Variants in ELOVL7 observed in about 807,000 individuals in gnomAD.
The protein encoded by ELOVL7 is very long chain fatty acid elongase 7.
ELOVL7 carries 27 observed loss-of-function variants against 35.7 expected under a neutral mutation model. That is an observed-to-expected ratio of 0.76 (90% CI 0.56 to 1.04). ELOVL7 has a LOEUF of 1.04. Ranked by LOEUF, ELOVL7 falls within the 50% of genes least tolerant of loss-of-function variation. ELOVL7 has a pLI of 0.00. For synonymous variants in ELOVL7, 113 were observed against 114.6 expected, an observed-to-expected ratio of 0.99 and a Z score of 0.09; for missense variants, 327 against 340.8, an observed-to-expected ratio of 0.96 and a Z score of 0.32.
chr5:60,828,733 T>A (rs773762728), intron 1 of ELOVL7, among the ~76,000 whole-genome samples: 1 of 152,330 alleles, frequency 6.6e-6, no homozygotes, highest in South Asian at 2.1e-4. Flanking sequence ...TTAATAGTTA[T>A]CTATAAGCAA....
At chr5:60,840,876 T>C (rs977049964) in intron 1 of ELOVL7, among the ~76,000 whole-genome samples, 2 of 152,170 alleles carry the variant, frequency 1.3e-5, no homozygotes, top group Admixed American at 1.3e-4. Context: ...GTTGCTAATA[T>C]ACTTGTCCAA....
intron 5 of ELOVL7, among the ~76,000 whole-genome samples, 160 bp downstream of exon 5, chr5:60,767,663 A>AT (rs908659780): frequency 1.8e-4 from 28 of 152,194 alleles, no homozygotes; most frequent in South Asian, 8.3e-4. Flanking sequence ...TATACATGTG[A>AT]TTTTTTTTAT....
At chr5:60,758,080 C>T (rs768170092) in intron 7 of ELOVL7, among the ~76,000 whole-genome samples, 8 of 152,142 alleles carry the variant, frequency 5.3e-5, no homozygotes, top group African/African-American at 1.9e-4. Flanking sequence ...AGATACAGAA[C>T]ATTTCCAACA....
At chr5:60,817,741 ACACACAC>A (rs1745609010) in intron 1 of ELOVL7, among the ~76,000 whole-genome samples, 2 of 145,616 alleles carry the variant, frequency 1.4e-5, no homozygotes, top group East Asian at 2.0e-4. Flanking sequence ...ATATATATAC[ACACACAC>A]CATATATATA....
intron 8 of ELOVL7, 142 bp downstream of exon 8, chr5:60,757,367 T>C (rs2112120952): frequency 4.4e-6 from 3 of 686,576 alleles, no homozygotes; most frequent in Non-Finnish European, 6.8e-6. Flanking sequence ...TTAAGAACCA[T>C]GATGGCATAT....
intron 3 of ELOVL7, 38 bp downstream of exon 3, chr5:60,787,296 G>A: frequency 6.6e-7 from 1 of 1,511,172 alleles, no homozygotes; most frequent in Non-Finnish European, 9.1e-7. Context: ...GACATAAAAA[G>A]GAAGGATGAA....
intron 3 of ELOVL7, among the ~76,000 whole-genome samples, chr5:60,782,955 A>G (rs1213472084): frequency 6.6e-6 from 1 of 152,254 alleles, no homozygotes; most frequent in Non-Finnish European, 1.5e-5. Flanking sequence ...CCATAAAAAG[A>G]TAAGTATTTG....
intron 1 of ELOVL7, among the ~76,000 whole-genome samples, chr5:60,814,849 A>G (rs1292052636): frequency 6.6e-6 from 1 of 152,234 alleles, no homozygotes; most frequent in African/African-American, 2.4e-5. Context: ...CACCACACTA[A>G]GCCCTATGCT....
intron 2 of ELOVL7, among the ~76,000 whole-genome samples, chr5:60,795,909 C>T (rs1359919349): frequency 6.6e-6 from 1 of 152,216 alleles, no homozygotes; most frequent in African/African-American, 2.4e-5. Context: ...AGGCCAAGAA[C>T]CCCAGGTCAG....
chr5:60,822,342 G>T (rs192167907), intron 1 of ELOVL7, among the ~76,000 whole-genome samples: 3 of 152,338 alleles, frequency 2.0e-5, no homozygotes, highest in Admixed American at 1.3e-4. Flanking sequence ...TCACCAGAGT[G>T]CTACCCACTG....
chr5:60,755,656 C>CAAAAAAAA (rs1042391610), intron 8 of ELOVL7, among the ~76,000 whole-genome samples: 1 of 144,122 alleles, frequency 6.9e-6, no homozygotes, highest in Non-Finnish European at 1.5e-5. Flanking sequence ...GATTCCATCT[C>CAAAAAAAA]AAAAAAAAAA....
At chr5:60,785,761 G>A in intron 3 of ELOVL7, 1 of 152,158 alleles carries the variant, frequency 6.6e-6, no homozygotes, top group Non-Finnish European at 1.5e-5. Context: ...GTTAAGAAAA[G>A]ATAGGCATAG....
intron 1 of ELOVL7, among the ~76,000 whole-genome samples, chr5:60,811,775 G>A (rs1455886732): frequency 6.6e-6 from 1 of 152,032 alleles, no homozygotes; most frequent in East Asian, 1.9e-4. Flanking sequence ...GTAGCCCCTT[G>A]GCCTTGGACT....
At chr5:60,767,659 T>A (rs1361349546) in intron 5 of ELOVL7, among the ~76,000 whole-genome samples, 164 bp downstream of exon 5, 1 of 152,332 alleles carries the variant, frequency 6.6e-6, no homozygotes, top group East Asian at 1.9e-4. Flanking sequence ...AAATTATACA[T>A]GTGATTTTTT....
chr5:60,805,964 T>C (rs925021663), intron 1 of ELOVL7, among the ~76,000 whole-genome samples: 2 of 152,238 alleles, frequency 1.3e-5, no homozygotes, highest in East Asian at 1.9e-4. Flanking sequence ...CCCAACATTG[T>C]ATGTTAAAGT....
chr5:60,836,178 A>G (rs1746789385), intron 1 of ELOVL7, among the ~76,000 whole-genome samples: 1 of 152,008 alleles, frequency 6.6e-6, no homozygotes, highest in African/African-American at 2.4e-5. Flanking sequence ...AAAAACACTG[A>G]CTATATTTTA....
chr5:60,836,711 A>G (rs1244597234), intron 1 of ELOVL7, among the ~76,000 whole-genome samples: 1 of 152,000 alleles, frequency 6.6e-6, no homozygotes, highest in African/African-American at 2.4e-5. Context: ...ACAAATCACA[A>G]GCGTGCTATT....
chr5:60,837,172 G>T (rs995016400), intron 1 of ELOVL7, among the ~76,000 whole-genome samples: 3 of 151,752 alleles, frequency 2.0e-5, no homozygotes, highest in Non-Finnish European at 4.4e-5. Flanking sequence ...AGTGTCTCAC[G>T]CCTGTAATCC....
At chr5:60,837,315 T>TGGGGGGGGGGGGGGGGGGGGGGGGGGG (rs1227317155) in intron 1 of ELOVL7, among the ~76,000 whole-genome samples, 5 of 24,526 alleles carry the variant, frequency 2.0e-4, no homozygotes, top group African/African-American at 3.5e-4. Context: ...GGCGGGGGGG[T>TGGGGGGGGGGGGGGGGGGGGGGGGGGG]GGGGGGGGAG....
Sources: allele counts gnomAD v4.1 joint callset (sites outside exome capture counted in the v4.1 genomes callset), GRCh38; gene constraint gnomAD v4.1.1; transcripts MANE v1.5; gene names NCBI Gene and HGNC (gene_info 2026-07-23, HGNC 2026-07-21).